Variants in TPR observed in about 807,000 individuals in gnomAD.
TPR encodes the protein nucleoprotein TPR.
Under a neutral mutation model 316.1 loss-of-function variants are expected in TPR, and 51 were observed. The ratio of observed to expected loss-of-function variants is 0.16; its 90% CI spans 0.13 to 0.20. The LOEUF is 0.20. Among genes scored for constraint, TPR ranks in the 10% least tolerant of loss-of-function variants. The probability of loss-of-function intolerance (pLI) is 1.00; values close to 1 mark genes in which losing one functional copy is unlikely to be tolerated. For synonymous variants in TPR, 981 were observed against 914.7 expected (o/e 1.07, Z -1.31); for missense variants, 2,272 against 2,754.8 (o/e 0.82, Z 3.92).
chr1:186,357,356 A>G (rs765087979), intron 14 of TPR, 41 bp downstream of exon 14: 2 of 1,598,994 alleles, frequency 1.3e-6, no homozygotes, highest in Admixed American at 1.7e-5. Flanking sequence ...TGAGGTTTTC[A>G]TAAATGTTTG....
chr1:186,359,493 T>G (rs1659119275), intron 12 of TPR, among the ~76,000 whole-genome samples: 1 of 152,044 alleles, frequency 6.6e-6, no homozygotes, highest in Non-Finnish European at 1.5e-5. Context: ...TTATTTTAAT[T>G]TGAAGAGCAG....
At chr1:186,353,544 T>C in intron 18 of TPR, 144 bp downstream of exon 18, 2 of 856,698 alleles carry the variant, frequency 2.3e-6, no homozygotes, top group Non-Finnish European at 1.8e-6. Flanking sequence ...ACTGGCTATT[T>C]GCAAACTATG....
Position 186,350,329 on chromosome 1 carries a change from T to A in TPR, c.2670A>T (p.Thr890=). 1 of 1,613,574 alleles carries A rather than the reference T, an allele frequency of 6.2e-7. No homozygotes were observed. The highest frequency in any genetic ancestry group is 1.3e-5 in the African/African-American group (1 of 75,024). Residue 890 remains threonine, a synonymous_variant, in exon 21 of 51, where the codon ACA becomes ACT. Transcript: ENST00000367478. ...LDTETNLHLN[T]KELLKNAQKE... Reference sequence around the variant, plus strand: ...TTTGAGCATTTTTTAATAGTTCTTTTGTGTTAAGATGAAGATTTGTCTCTG... The same window carrying A: ...TTTGAGCATTTTTTAATAGTTCTTTAGTGTTAAGATGAAGATTTGTCTCTG...
Position 186,344,262 on chromosome 1 carries a change from T to C in TPR, c.3417+113A>G, listed in dbSNP as rs185226206. Reference sequence around the variant, plus strand: ...TTGCAGTGACCCCAATATCACGCCATTGCACTCCAGCATGGGTGACAGAGC... The same window carrying C: ...TTGCAGTGACCCCAATATCACGCCACTGCACTCCAGCATGGGTGACAGAGC... On this transcript the variant is annotated intron_variant, in intron 25 of 50. Transcript: ENST00000367478. 637 of 1,392,364 alleles carry C rather than the reference T, an allele frequency of 4.6e-4. 2 individuals carry two copies. In the African/African-American group the frequency reaches 6.6e-3, roughly 15 times the overall value. The allele number at this position is 1,392,364 out of a possible 1,614,324, so 86.3% of individuals were successfully genotyped here.
At chr1:186,334,651 A>G (rs1658284107) in intron 35 of TPR, 118 bp from the exon 36 acceptor site, 4 of 1,084,636 alleles carry the variant, frequency 3.7e-6, no homozygotes, top group Non-Finnish European at 5.2e-6. Flanking sequence ...GAGCCTTATT[A>G]AAGCTGTTTT....
At chr1:186,350,178 G>A in intron 21 of TPR, 45 bp downstream of exon 21, 1 of 1,485,570 alleles carries the variant, frequency 6.7e-7, no homozygotes, top group South Asian at 1.3e-5. Flanking sequence ...ATCCCAAGAA[G>A]TACTTGTTTA....
chr1:186,372,712 G>A (rs1378342039), intron 2 of TPR, among the ~76,000 whole-genome samples: 1 of 152,108 alleles, frequency 6.6e-6, no homozygotes. Flanking sequence ...GAACTTGGAT[G>A]GGAAAAGCAA....
chr1:186,354,923 G>A (rs951851745), intron 17 of TPR, among the ~76,000 whole-genome samples: 5 of 151,458 alleles, frequency 3.3e-5, no homozygotes, highest in African/African-American at 1.2e-4. Context: ...ATTTTTTTGA[G>A]ACAGAATCTC....
chr1:186,365,072 A>G (rs1182814223), intron 4 of TPR, among the ~76,000 whole-genome samples: 4 of 150,792 alleles, frequency 2.7e-5, no homozygotes, highest in Non-Finnish European at 5.9e-5. Flanking sequence ...CCCTAAAGTC[A>G]GAAAGTACCT....
rs145515394 is a variant in TPR at position 186,312,866 on chromosome 1, C to T, written c.*1105G>A. ...CACTGCCCAACATCAGAAAACCTGA[C>T]GGCTATGATTACTATGCCTTTTCTA... is the stretch of plus-strand genomic sequence containing the variant. On this transcript the variant is annotated 3_prime_UTR_variant, in exon 51 of 51. Coordinates refer to ENST00000367478, the MANE Select transcript of TPR (RefSeq NM_003292.3). 1.9e-4 allele frequency: 308 copies of T among 1,612,306 alleles called. No individual in the cohort carries two copies. The highest frequency in any genetic ancestry group is 2.2e-4 in the Non-Finnish European group (255 of 1,178,566).
chr1:186,355,262 G>T (rs1658989319), intron 17 of TPR, 148 bp downstream of exon 17: 3 of 842,026 alleles, frequency 3.6e-6, no homozygotes. Context: ...TAATCAATAT[G>T]AAAAAAATGA....
intron 13 of TPR, among the ~76,000 whole-genome samples, chr1:186,358,226 C>G (rs1222274385): frequency 1.3e-5 from 2 of 152,122 alleles, no homozygotes; most frequent in African/African-American, 4.8e-5. Flanking sequence ...AAAAAATACA[C>G]AACTGTCTGT....
Position 186,312,976 on chromosome 1 carries a change from T to A in TPR, c.*995A>T. The A allele has an allele frequency of 7.1e-7, 1 of 1,410,124 alleles. No homozygotes were observed. Among genetic ancestry groups the A allele is most frequent in the Admixed American group, 1.7e-5 (1 of 59,570 alleles). 87.4% of individuals were successfully genotyped at this position (1,410,124 alleles called of 1,614,324 possible). ...GATAAAGTAAAAATGCTGGCTGCAATGATGACTGAATGTGAGAAGTTACAC... is the reference window on the plus strand; with the variant it reads ...GATAAAGTAAAAATGCTGGCTGCAAAGATGACTGAATGTGAGAAGTTACAC... On this transcript the variant is annotated 3_prime_UTR_variant, in exon 51 of 51. Transcript: ENST00000367478.
At chr1:186,345,156 A>G (rs1658639220) in intron 24 of TPR, among the ~76,000 whole-genome samples, 1 of 152,208 alleles carries the variant, frequency 6.6e-6, no homozygotes, top group Non-Finnish European at 1.5e-5. Context: ...ATACTTTTTT[A>G]ACATTTTATA....
At position 186,367,999 on chromosome 1, in the gene TPR, T is replaced by C; in HGVS notation, c.331-17A>G. On this transcript the variant is annotated splice_polypyrimidine_tract_variant and intron_variant, in intron 3 of 50. Coordinates refer to ENST00000367478, the MANE Select transcript of TPR (RefSeq NM_003292.3). ...AAATTGGCTCTGTCATATAAAGAAGTAATAAGTAAGAAAATCAAGTAGAGC... is the reference window on the plus strand; with the variant it reads ...AAATTGGCTCTGTCATATAAAGAAGCAATAAGTAAGAAAATCAAGTAGAGC... The C allele has an allele frequency of 6.3e-7, 1 of 1,578,562 alleles. No homozygotes were observed. Among genetic ancestry groups the C allele is most frequent in the East Asian group, 2.2e-5 (1 of 44,554 alleles).
chr1:186,360,011 A>C lies in TPR; in HGVS notation c.1192-15T>G, dbSNP rs1425998477. The stretch of plus-strand genomic sequence containing the variant: ...GCATTATAGAGCTGAAAGTAGACAA[A>C]GGGTTGTTTCAAATCTAACCATAAC... On this transcript the variant is annotated splice_polypyrimidine_tract_variant and intron_variant, in intron 11 of 50. Coordinates refer to ENST00000367478, the MANE Select transcript of TPR (RefSeq NM_003292.3). 2 of 1,601,458 alleles carry C rather than the reference A, an allele frequency of 1.2e-6. No homozygotes were observed. The highest frequency in any genetic ancestry group is 1.7e-6 in the Non-Finnish European group (2 of 1,176,982).
rs780944467 is a variant in TPR, at chr1:186,343,369, T to C, written c.3707A>G (p.Gln1236Arg). ...AGCATTTAGACTATCTTGCAGTTCC[T>C]GCAGCTCTCTTTCTAAAAGTTCAAC... The part of the protein sequence containing the change: ...QRVELLEREL[Q>R]ELQDSLNAER... Residue 1236 changes from glutamine (Q) to arginine (R), a missense_variant, in exon 27 of 51, where the codon CAG becomes CGG. Physicochemically the swap from Gln to Arg is conservative, Grantham distance 43 (BLOSUM62 1). Transcript: ENST00000367478. 3.7e-6 allele frequency: 6 copies of C among 1,614,084 alleles called. No individual in the cohort carries two copies. The highest frequency in any genetic ancestry group is 5.1e-6 in the Non-Finnish European group (6 of 1,179,988).
rs1338188696 is a variant in TPR at position 186,355,765 on chromosome 1, G to A, written c.1892C>T (p.Ser631Leu). The change falls in exon 16 of 51, where the codon TCA becomes TTA. Residue 631 changes from serine (S) to leucine (L), a missense_variant. Ser to Leu is a moderately radical substitution (Grantham distance 145). Transcript: ENST00000367478. The stretch of plus-strand genomic sequence containing the variant: ...TGCAAGAGAAACATCATCTAAGCTT[G>A]AAGCTTCAGGAAAGTAAAGACTAAT... ...TTGVAIPLHA[S>L]SLDDVSLAST... 1 of 1,613,088 alleles carries A rather than the reference G, an allele frequency of 6.2e-7. No homozygotes were observed. The highest frequency in any genetic ancestry group is 1.3e-5 in the African/African-American group (1 of 74,844).
chr1:186,338,558 C>T (rs1464204987), intron 30 of TPR, among the ~76,000 whole-genome samples: 1 of 152,188 alleles, frequency 6.6e-6, no homozygotes, highest in African/African-American at 2.4e-5. Flanking sequence ...AAGAGCAAAA[C>T]CTACCCTCTT....
Sources: allele counts gnomAD v4.1 joint callset (sites outside exome capture counted in the v4.1 genomes callset), GRCh38; gene constraint gnomAD v4.1.1; transcripts MANE v1.5; gene names NCBI Gene and HGNC (gene_info 2026-07-23, HGNC 2026-07-21).